The following LDLRAD3 variants were observed in gnomAD, a reference collection of about 807,000 sequenced individuals.
The protein encoded by LDLRAD3 is low density lipoprotein receptor class A domain containing 3.
A neutral mutation model predicts 29.4 loss-of-function variants in LDLRAD3; 20 were observed. The observed-to-expected ratio is 0.68, with a 90% CI of 0.48 to 0.99. The LOEUF is 0.99. Among genes scored for constraint, LDLRAD3 ranks in the 50% least tolerant of loss-of-function variants. The pLI, the probability that LDLRAD3 is intolerant of heterozygous loss-of-function variation, is 0.00. For missense variants in LDLRAD3, 420 were observed against 454.3 expected (o/e 0.92, Z 0.69); for synonymous variants, 157 against 192.7 (o/e 0.81, Z 1.53).
intron 2 of LDLRAD3, among the ~76,000 whole-genome samples, chr11:36,071,863 A>G (rs1391735093): frequency 1.3e-5 from 2 of 152,226 alleles, no homozygotes; most frequent in African/African-American, 4.8e-5. Flanking sequence ...CATTTTAACA[A>G]GGTCCTGGGG....
At chr11:36,225,084 A>G (rs1855481294) in intron 4 of LDLRAD3, among the ~76,000 whole-genome samples, 1 of 152,152 alleles carries the variant, frequency 6.6e-6, no homozygotes, top group South Asian at 2.1e-4. Flanking sequence ...AAACAGACGC[A>G]CACCTAGTGA....
intron 2 of LDLRAD3, among the ~76,000 whole-genome samples, chr11:36,050,995 G>A (rs1320581048): frequency 6.6e-6 from 1 of 152,042 alleles, no homozygotes; most frequent in Non-Finnish European, 1.5e-5. Context: ...CATTAATGAG[G>A]GCTCCACCCT....
At chr11:36,088,996 T>C (rs373808316) in intron 3 of LDLRAD3, among the ~76,000 whole-genome samples, 62 of 152,310 alleles carry the variant, frequency 4.1e-4, no homozygotes, top group African/African-American at 1.3e-3. Flanking sequence ...CCCTACTACA[T>C]TGTGACAGCC....
intron 1 of LDLRAD3, among the ~76,000 whole-genome samples, chr11:35,976,067 T>C (rs1851472130): frequency 6.6e-6 from 1 of 151,954 alleles, no homozygotes; most frequent in Non-Finnish European, 1.5e-5. Flanking sequence ...TGGAGGGGTC[T>C]CATTTTCCTA....
chr11:36,134,504 G>C (rs1853975712), intron 4 of LDLRAD3, among the ~76,000 whole-genome samples: 1 of 152,168 alleles, frequency 6.6e-6, no homozygotes, highest in South Asian at 2.1e-4. Flanking sequence ...GAGCTCTCAA[G>C]CTTTGAGAGG....
chr11:35,960,218 C>G (rs1851258701), intron 1 of LDLRAD3, among the ~76,000 whole-genome samples: 1 of 152,076 alleles, frequency 6.6e-6, no homozygotes, highest in Non-Finnish European at 1.5e-5. Flanking sequence ...TCCACATTGC[C>G]ACATACAGAT....
chr11:36,135,867 A>G (rs202240641), intron 4 of LDLRAD3, among the ~76,000 whole-genome samples: 6 of 152,154 alleles, frequency 3.9e-5, no homozygotes, highest in African/African-American at 1.4e-4. Flanking sequence ...CCGAGATAGC[A>G]CCACTGCACT....
intron 4 of LDLRAD3, among the ~76,000 whole-genome samples, chr11:36,192,204 G>A (rs950067998): frequency 2.0e-5 from 3 of 152,278 alleles, no homozygotes; most frequent in East Asian, 1.9e-4. Flanking sequence ...TCAAGAATGC[G>A]CTGGTAGGAA....
At chr11:36,020,800 C>G (rs58189852) in intron 1 of LDLRAD3, among the ~76,000 whole-genome samples, 2 of 152,010 alleles carry the variant, frequency 1.3e-5, no homozygotes, top group Non-Finnish European at 2.9e-5. Context: ...GAGTTTTACC[C>G]GCTGTGGAAT....
At chr11:36,053,060 G>C (rs1194973362) in intron 2 of LDLRAD3, among the ~76,000 whole-genome samples, 1 of 151,956 alleles carries the variant, frequency 6.6e-6, no homozygotes, top group Non-Finnish European at 1.5e-5. Flanking sequence ...GGAGAAAGGA[G>C]AGCACCTGAG....
chr11:36,105,434 C>T (rs970913417), intron 4 of LDLRAD3, among the ~76,000 whole-genome samples: 9 of 152,044 alleles, frequency 5.9e-5, no homozygotes, highest in African/African-American at 1.4e-4. Context: ...CCTCCTCCCC[C>T]GCTGAAATTC....
chr11:35,952,303 A>G (rs1439606416), intron 1 of LDLRAD3, among the ~76,000 whole-genome samples: 1 of 152,202 alleles, frequency 6.6e-6, no homozygotes, highest in African/African-American at 2.4e-5. Flanking sequence ...TTGGGAGAAG[A>G]ATTGCACCGT....
intron 2 of LDLRAD3, among the ~76,000 whole-genome samples, chr11:36,079,471 C>G (rs1853075415): frequency 6.6e-6 from 1 of 152,180 alleles, no homozygotes; most frequent in South Asian, 2.1e-4. Flanking sequence ...TATAGATTAT[C>G]TCACTTAATC....
chr11:36,058,603 T>G (rs1852655701), intron 2 of LDLRAD3, among the ~76,000 whole-genome samples: 1 of 152,196 alleles, frequency 6.6e-6, no homozygotes, highest in African/African-American at 2.4e-5. Flanking sequence ...TACAAAAACT[T>G]AGAAATCCTT....
chr11:36,128,417 C>G (rs1853874194), intron 4 of LDLRAD3, among the ~76,000 whole-genome samples: 1 of 152,182 alleles, frequency 6.6e-6, no homozygotes, highest in East Asian at 1.9e-4. Context: ...AGATGCTCCC[C>G]CTGGGACTCG....
At chr11:36,210,481 C>T (rs1590359086) in intron 4 of LDLRAD3, among the ~76,000 whole-genome samples, 2 of 152,198 alleles carry the variant, frequency 1.3e-5, no homozygotes, top group South Asian at 4.2e-4. Flanking sequence ...TTATTATTTC[C>T]TCTTTATAGA....
chr11:36,167,162 A>AC (rs1318506573), intron 4 of LDLRAD3, among the ~76,000 whole-genome samples: 4 of 152,126 alleles, frequency 2.6e-5, no homozygotes, highest in African/African-American at 9.7e-5. Context: ...CAAGCTGGAG[A>AC]CCAAGAGAAG....
chr11:36,205,385 G>A (rs996734377), intron 4 of LDLRAD3, among the ~76,000 whole-genome samples: 2 of 152,144 alleles, frequency 1.3e-5, no homozygotes, highest in South Asian at 4.1e-4. Context: ...GACAGTCACC[G>A]GCTTCACACA....
At chr11:36,126,146 C>A (rs917932333) in intron 4 of LDLRAD3, among the ~76,000 whole-genome samples, 5 of 152,176 alleles carry the variant, frequency 3.3e-5, no homozygotes, top group Non-Finnish European at 5.9e-5. Flanking sequence ...CAGGATCCCG[C>A]AGGAAGCGTT....
Sources: allele counts gnomAD v4.1 joint callset (sites outside exome capture counted in the v4.1 genomes callset), GRCh38; gene constraint gnomAD v4.1.1; transcripts MANE v1.5; gene names NCBI Gene and HGNC (gene_info 2026-07-23, HGNC 2026-07-21).